ABCA9: variants seen among roughly 807,000 people sequenced by gnomAD.
ABCA9 encodes ATP-binding cassette sub-family A member 9.
In ABCA9, 183 loss-of-function variants were observed where a neutral mutation model predicts 205.3. The ratio of observed to expected loss-of-function variants is 0.89; its 90% CI spans 0.79 to 1.01. ABCA9 has a LOEUF of 1.01. Ranked by LOEUF, ABCA9 falls within the 50% of genes least tolerant of loss-of-function variation. The pLI is 0.00. For missense variants in ABCA9, 1,805 were observed against 1,912.4 expected (o/e 0.94, Z 1.05); for synonymous variants, 651 against 683.3 (o/e 0.95, Z 0.74).
At chr17:69,016,518 A>G in intron 21 of ABCA9, 128 bp from the exon 22 acceptor site, 2 of 757,740 alleles carry the variant, frequency 2.6e-6, no homozygotes, top group Non-Finnish European at 3.9e-6. Context: ...TGTGATTAAT[A>G]TCACTATCAC....
chr17:69,072,818 A>G, the ABCA9 span, among the ~76,000 whole-genome samples: 1 of 152,194 alleles, frequency 6.6e-6, no homozygotes, highest in East Asian at 1.9e-4. Flanking sequence ...TTGGATGAAG[A>G]GTAAAGACTT....
chr17:68,993,417 C>T (rs563967859), intron 26 of ABCA9, among the ~76,000 whole-genome samples: 2 of 152,330 alleles, frequency 1.3e-5, no homozygotes, highest in South Asian at 4.1e-4. Context: ...ACCTGTATTT[C>T]TGTCTTCATT....
chr17:69,027,922 A>G (rs2071045712), intron 12 of ABCA9, 107 bp from the exon 13 acceptor site: 2 of 904,690 alleles, frequency 2.2e-6, no homozygotes, highest in Non-Finnish European at 3.3e-6. Context: ...TCATTTCAAC[A>G]TTGTTTACTT....
intron 20 of ABCA9, 185 bp downstream of exon 20, chr17:69,018,228 G>C (rs1463930032): frequency 1.9e-6 from 1 of 519,104 alleles, no homozygotes; most frequent in African/African-American, 2.0e-5. Flanking sequence ...TAAACTTGCA[G>C]AATCTATTTC....
intron 35 of ABCA9, 76 bp from the exon 36 acceptor site, chr17:68,983,925 C>T (rs977179957): frequency 6.2e-7 from 1 of 1,605,998 alleles, no homozygotes; most frequent in Non-Finnish European, 8.5e-7. Context: ...CCTCTGGAGG[C>T]CAGAGTAAGG....
intron 19 of ABCA9, among the ~76,000 whole-genome samples, chr17:69,018,901 A>G (rs2070727092): frequency 6.6e-6 from 1 of 151,998 alleles, no homozygotes. Context: ...CTTTTTCTGC[A>G]CTACTGAAAT....
At chr17:69,068,746 G>T in the ABCA9 span, among the ~76,000 whole-genome samples, 2 of 152,174 alleles carry the variant, frequency 1.3e-5, no homozygotes, top group Non-Finnish European at 2.9e-5. Flanking sequence ...AATCCAGAAA[G>T]AAGTAGGTGA....
chr17:69,072,431 G>A, the ABCA9 span, among the ~76,000 whole-genome samples: 1 of 152,096 alleles, frequency 6.6e-6, no homozygotes, highest in African/African-American at 2.4e-5. Flanking sequence ...AAGAGAGTGG[G>A]GGACAATATT....
intron 10 of ABCA9, 73 bp downstream of exon 10, chr17:69,032,035 C>T (rs1187359577): frequency 1.4e-6 from 2 of 1,443,050 alleles, no homozygotes; most frequent in Non-Finnish European, 9.5e-7. Flanking sequence ...ATCTTTGCTC[C>T]TAGTGTGTCA....
chr17:69,035,649 A>G lies in ABCA9; in HGVS notation c.942+11T>C. On this transcript the variant is annotated intron_variant, in intron 7 of 38. Transcript: ENST00000340001. ...GAGAATAAAAGACTTAGATGAAATT[A>G]ACCAACTCACCAAAGACAGGCCATA... 2 of 1,612,346 alleles carry G rather than the reference A, an allele frequency of 1.2e-6. No individual in the cohort carries two copies. Among genetic ancestry groups the G allele is most frequent in the Non-Finnish European group, 1.7e-6 (2 of 1,179,326 alleles).
At position 69,023,711 on chromosome 17, in the gene ABCA9, G is replaced by A. The variant is rs190766991; in HGVS notation, c.2281+503C>T. 6.6e-6 allele frequency among the ~76,000 whole-genome samples: 1 copy of A among 152,316 alleles called. No individual in the cohort carries two copies. The highest frequency in any genetic ancestry group is 1.5e-5 in the Non-Finnish European group (1 of 68,016). On this transcript the variant is annotated intron_variant, in intron 17 of 38. Coordinates refer to ENST00000340001, the MANE Select transcript of ABCA9 (RefSeq NM_080283.4). This position sits in a 1 kb window ranked among gnomAD's most constrained non-coding sequence, Gnocchi z 4.2. ...AACACCAGTAGTTCTCCAAGCTTCT[G>A]TGTTTGCAGCAAAGTTGTACATTGA...
chr17:69,013,666 G>T (rs1479048496), intron 22 of ABCA9, among the ~76,000 whole-genome samples: 2 of 152,122 alleles, frequency 1.3e-5, no homozygotes, highest in African/African-American at 4.8e-5. Context: ...GACTCAGCCT[G>T]ACAGGGTCCT....
intron 6 of ABCA9, among the ~76,000 whole-genome samples, chr17:69,036,135 G>T (rs1457239414): frequency 1.3e-5 from 2 of 152,076 alleles, no homozygotes; most frequent in South Asian, 2.1e-4. Context: ...TAAGGTTATT[G>T]TATAAATAAT....
chr17:69,036,523 A>G (rs1277738866), intron 6 of ABCA9, among the ~76,000 whole-genome samples: 1 of 152,056 alleles, frequency 6.6e-6, no homozygotes, highest in Middle Eastern at 3.2e-3. Flanking sequence ...AAGAGCTCCT[A>G]AAGGAAGCAC....
Position 69,035,296 on chromosome 17 carries a change from A to G in ABCA9, c.1078T>C (p.Trp360Arg), listed in dbSNP as rs1276254807. The change falls in exon 8 of 39, where the codon TGG (tryptophan) becomes CGG (arginine). Residue 360 changes from tryptophan to arginine, a missense_variant. Coordinates refer to ENST00000340001, the MANE Select transcript of ABCA9 (RefSeq NM_080283.4). Reference sequence around the variant, plus strand: ...AAGGGGCTAAGAAGACACAAAGTCCATTCCAAAAATGCAGGAAGACGTGTA... The same window carrying G: ...AAGGGGCTAAGAAGACACAAAGTCCGTTCCAAAAATGCAGGAAGACGTGTA... The part of the protein sequence containing the change: ...LYTRLPAFLE[W>R]TLCLLSPFAF... 6 of 1,607,136 alleles carry G rather than the reference A, an allele frequency of 3.7e-6. No individual in the cohort carries two copies. The highest frequency in any genetic ancestry group is 2.2e-5 in the South Asian group (2 of 89,808).
At chr17:69,028,900 T>G (rs2144348896) in intron 11 of ABCA9, among the ~76,000 whole-genome samples, 1 of 152,320 alleles carries the variant, frequency 6.6e-6, no homozygotes, top group East Asian at 1.9e-4. Flanking sequence ...AATACAATTT[T>G]AGAGCTGGAG....
In ABCA9 at chr17:68,976,159, G is replaced by A; in HGVS notation, c.4752C>T (p.Ser1584=). 6.2e-7 allele frequency: 1 copy of A among 1,614,028 alleles called. No homozygotes were observed. The highest frequency in any genetic ancestry group is 8.5e-7 in the Non-Finnish European group (1 of 1,179,926). The change falls in exon 38 of 39, where the codon AGC becomes AGT. Residue 1584 remains serine (S), a synonymous_variant. Coordinates refer to ENST00000340001, the MANE Select transcript of ABCA9 (RefSeq NM_080283.4). ...CCTGCTCCAGGGTAGACTGTGAGAG[G>A]CTGTACTCCTCCAGGTCGAAACTCT... The part of the protein sequence containing the change: ...VKQSFDLEEY[S]LSQSTLEQVF...
chr17:69,009,831 A>AGAT (rs2070303733), intron 23 of ABCA9, among the ~76,000 whole-genome samples: 1 of 152,192 alleles, frequency 6.6e-6, no homozygotes, highest in Non-Finnish European at 1.5e-5. Context: ...CCAGCTATGA[A>AGAT]GATGAGAGAG....
intron 10 of ABCA9, 36 bp from the exon 11 acceptor site, chr17:69,029,263 A>G: frequency 7.4e-7 from 1 of 1,345,852 alleles, no homozygotes; most frequent in Non-Finnish European, 1.0e-6. Flanking sequence ...AGAGAATTGT[A>G]AAAATGTGCA....
Sources: gnomAD v4.1 joint callset for allele counts (sites outside exome capture counted in the v4.1 genomes callset) on GRCh38, gnomAD v4.1.1 for gene constraint, Gnocchi (gnomAD v3.1) non-coding constraint, MANE v1.5 for transcripts, NCBI Gene and HGNC (gene_info 2026-07-23, HGNC 2026-07-21) for gene names.